PTK6: variants seen among roughly 807,000 people sequenced by gnomAD.
PTK6 encodes the protein protein tyrosine kinase 6, also known as protein-tyrosine kinase 6.
Under a neutral mutation model 47.5 loss-of-function variants are expected in PTK6, and 47 were observed. The observed-to-expected ratio is 0.99, with a 90% CI of 0.78 to 1.26. PTK6 has a LOEUF of 1.26. PTK6 is among the 50% of genes most tolerant of loss of function. The probability of loss-of-function intolerance (pLI) is 0.00; values close to 1 mark genes in which losing one functional copy is unlikely to be tolerated. For missense variants in PTK6, 618 were observed against 625.3 expected (o/e 0.99, Z 0.12); for synonymous variants, 287 against 276.5 (o/e 1.04, Z -0.38).
At position 63,529,415 on chromosome 20, in the gene PTK6, C is replaced by A; in HGVS notation, c.*121G>T. Reference sequence around the variant, plus strand: ...GACGCAGACACTCCACATTTGTGAACCTTTCCTGCACCCATCACCTCAGTA... The same window carrying A: ...GACGCAGACACTCCACATTTGTGAAACTTTCCTGCACCCATCACCTCAGTA... On this transcript the variant is annotated 3_prime_UTR_variant, in exon 8 of 8. Coordinates refer to ENST00000542869, the MANE Select transcript of PTK6 (RefSeq NM_005975.4). The surrounding 1 kb of genome is among the most constrained non-coding windows in gnomAD (Gnocchi z 5.6). 3.6e-6 allele frequency: 4 copies of A among 1,123,884 alleles called. No individual in the cohort carries two copies. The highest frequency in any genetic ancestry group is 4.9e-6 in the Non-Finnish European group (4 of 824,136). 69.6% of individuals were successfully genotyped at this position (1,123,884 alleles called of 1,614,324 possible). A position where few individuals can be genotyped will look rare whatever the true frequency, so the allele number is the denominator to read the frequency against.
At chr20:63,532,477 T>C in intron 5 of PTK6, 49 bp downstream of exon 5, 2 of 1,562,698 alleles carry the variant, frequency 1.3e-6, no homozygotes, top group Non-Finnish European at 1.7e-6. Context: ...CTTTATTTCC[T>C]CACGTGCCCC....
chr20:63,534,459 C>G (rs2082648992), intron 2 of PTK6, 144 bp from the exon 3 acceptor site: 1 of 1,115,994 alleles, frequency 9.0e-7, no homozygotes, highest in Non-Finnish European at 1.2e-6. Flanking sequence ...TGCCTCCCCT[C>G]CCTCAGAACG....
intron 5 of PTK6, among the ~76,000 whole-genome samples, 165 bp downstream of exon 5, chr20:63,532,361 G>A (rs921506687): frequency 7.0e-5 from 10 of 143,656 alleles, no homozygotes; most frequent in South Asian, 2.2e-4. Flanking sequence ...GTGTCTGTGC[G>A]TGTGTGTCTC....
At position 63,530,248 on chromosome 20, in the gene PTK6, G is replaced by A; in HGVS notation, c.1015-17C>T. ...GACGTCCTCCTGCAATCAGCCTGGA[G>A]CTGAGTGGGCCGTGGGGGCTGCCTG... On this transcript the variant is annotated splice_polypyrimidine_tract_variant and intron_variant, in intron 6 of 7. Transcript: ENST00000542869. This position sits in a 1 kb window ranked among gnomAD's most constrained non-coding sequence, Gnocchi z 4.1. 2 of 1,612,234 alleles carry A rather than the reference G, an allele frequency of 1.2e-6. No individual in the cohort carries two copies. Among genetic ancestry groups the A allele is most frequent in the Non-Finnish European group, 8.5e-7 (1 of 1,178,698 alleles).
chr20:63,534,096 C>G (rs2082645601), intron 3 of PTK6, 56 bp downstream of exon 3: 1 of 1,480,206 alleles, frequency 6.8e-7, no homozygotes, highest in East Asian at 2.5e-5. Flanking sequence ...TAGGAAATGC[C>G]AGCCTGTGAC....
In PTK6 at chr20:63,529,697, T is replaced by G. The variant is rs1375631443; in HGVS notation, c.1195A>C (p.Arg399=). Residue 399 remains arginine, a synonymous_variant, in exon 8 of 8, where the codon AGG becomes CGG. Coordinates refer to ENST00000542869, the MANE Select transcript of PTK6 (RefSeq NM_005975.4). This position sits in a 1 kb window ranked among gnomAD's most constrained non-coding sequence, Gnocchi z 5.6. ...PGMSNHEAFL[R]VDAGYRMPCP... ...GGCATGCGGTAGCCGGCGTCCACCC[T>G]CAGGAAGGCCTCATGGTTGGACATG... 1 of 1,546,064 alleles carries G rather than the reference T, an allele frequency of 6.5e-7. No homozygotes were observed. The highest frequency in any genetic ancestry group is 8.7e-7 in the Non-Finnish European group (1 of 1,145,642).
chr20:63,537,328 A>C lies in PTK6; in HGVS notation c.-14T>G. ...CCGGGACACCATGGCGGGCGGGCGC[A>C]GCGGCAGGACCAGGCTGTGGCCCAG... On this transcript the variant is annotated 5_prime_UTR_variant, in exon 1 of 8. Transcript: ENST00000542869. 1 of 1,577,474 alleles carries C rather than the reference A, an allele frequency of 6.3e-7. No homozygotes were observed. The highest frequency in any genetic ancestry group is 1.8e-4 in the Middle Eastern group (1 of 5,506).
chr20:63,530,018 C>G lies in PTK6; in HGVS notation c.1168+60G>C, dbSNP rs767736544. 3 of 1,587,670 alleles carry G rather than the reference C, an allele frequency of 1.9e-6. No individual in the cohort carries two copies. The African/African-American group carries it at 4.1e-5, about 21-fold the overall frequency. On this transcript the variant is annotated intron_variant, in intron 7 of 7. Coordinates refer to ENST00000542869, the MANE Select transcript of PTK6 (RefSeq NM_005975.4). The surrounding 1 kb of genome is among the most constrained non-coding windows in gnomAD (Gnocchi z 4.1). Reference sequence around the variant, plus strand: ...AGGCACCCCCCAGCGTCCCTGCCGGCTACCCAGGACCTCCCCCACTCTGCC... The same window carrying G: ...AGGCACCCCCCAGCGTCCCTGCCGGGTACCCAGGACCTCCCCCACTCTGCC...
rs1263315228 is a variant in PTK6 at position 63,534,139 on chromosome 20, G to A, written c.516+13C>T. On this transcript the variant is annotated intron_variant, in intron 3 of 7. Transcript: ENST00000542869. ...CCTGACCCCGCGTGACCAAGTCAGGGCGGAGCGGCTACCTTCCGGCAGGGC... is the reference window on the plus strand; with the variant it reads ...CCTGACCCCGCGTGACCAAGTCAGGACGGAGCGGCTACCTTCCGGCAGGGC... 8 of 1,540,892 alleles carry A rather than the reference G, an allele frequency of 5.2e-6. No individual in the cohort carries two copies. Among genetic ancestry groups the A allele is most frequent in the African/African-American group, 1.4e-5 (1 of 72,988 alleles).
In PTK6 at chr20:63,532,618, A is replaced by G. The variant is rs1569011654; in HGVS notation, c.740T>C (p.Ile247Thr). Residue 247 changes from isoleucine to threonine, a missense_variant, in exon 5 of 8, where the codon ATC becomes ACC. Physicochemically the swap from Ile to Thr is moderately conservative, Grantham distance 89. Coordinates refer to ENST00000542869, the MANE Select transcript of PTK6 (RefSeq NM_005975.4). The stretch of plus-strand genomic sequence containing the variant: ...GGACACCACGGCGTACAGCGCCAGG[A>G]TGTGTTTGTGCCGCAGCTTCTTCAT... ...QAMKKLRHKHILALYAVVSVG... is the reference protein window; with the variant it reads ...QAMKKLRHKHTLALYAVVSVG... 1 of 1,614,048 alleles carries G rather than the reference A, an allele frequency of 6.2e-7. No homozygotes were observed.
In PTK6 at chr20:63,533,412, C is replaced by T; in HGVS notation, c.670+139G>A. 1.0e-6 allele frequency: 1 copy of T among 988,742 alleles called. No individual in the cohort carries two copies. The highest frequency in any genetic ancestry group is 1.4e-6 in the Non-Finnish European group (1 of 715,680). The allele number at this position is 988,742 out of a possible 1,614,324, so 61.2% of individuals were successfully genotyped here. On this transcript the variant is annotated intron_variant, in intron 4 of 7. Coordinates refer to ENST00000542869, the MANE Select transcript of PTK6 (RefSeq NM_005975.4). The surrounding 1 kb of genome is among the most constrained non-coding windows in gnomAD (Gnocchi z 4.0). ...ATGTATTTAGGTAAAAACATAGGTGCAATTGAAAGGGAACCACTCTCGCAT... is the reference window on the plus strand; with the variant it reads ...ATGTATTTAGGTAAAAACATAGGTGTAATTGAAAGGGAACCACTCTCGCAT...
At position 63,532,582 on chromosome 20, in the gene PTK6, G is replaced by A; in HGVS notation, c.776C>T (p.Pro259Leu). The A allele has an allele frequency of 6.2e-7, 1 of 1,614,026 alleles. No homozygotes were observed. The highest frequency in any genetic ancestry group is 8.5e-7 in the Non-Finnish European group (1 of 1,179,980). ...CATGAGCTCCGTGATGATGTACACG[G>A]GGTCCCCCACGGACACCACGGCGTA... is the stretch of plus-strand genomic sequence containing the variant. ...ALYAVVSVGD[P>L]VYIITELMAK... Residue 259 changes from proline (P) to leucine (L), a missense_variant, in exon 5 of 8, where the codon CCC becomes CTC. Physicochemically the swap from Pro to Leu is moderately conservative, Grantham distance 98 (BLOSUM62 -3). Coordinates refer to ENST00000542869, the MANE Select transcript of PTK6 (RefSeq NM_005975.4).
At position 63,532,583 on chromosome 20, in the gene PTK6, G is replaced by A. The variant is rs370810132; in HGVS notation, c.775C>T (p.Pro259Ser). 1.2e-6 allele frequency: 2 copies of A among 1,613,924 alleles called. No homozygotes were observed. Among genetic ancestry groups the A allele is most frequent in the Non-Finnish European group, 8.5e-7 (1 of 1,179,994 alleles). Residue 259 changes from proline (P) to serine (S), a missense_variant, in exon 5 of 8, where the codon CCC becomes TCC. Pro to Ser is a moderately conservative substitution (Grantham distance 74). Transcript: ENST00000542869. The part of the protein sequence containing the change: ...ALYAVVSVGD[P>S]VYIITELMAK... ...ATGAGCTCCGTGATGATGTACACGG[G>A]GTCCCCCACGGACACCACGGCGTAC...
chr20:63,531,437 A>AAAAATAT (rs1311835682), intron 5 of PTK6, among the ~76,000 whole-genome samples: 5 of 94,920 alleles, frequency 5.3e-5, no homozygotes, highest in East Asian at 4.7e-4. Context: ...AAAAAAAAAA[A>AAAAATAT]ATATATATAT....
At chr20:63,532,816 G>GTCGGGGGCAGGAGGT in intron 4 of PTK6, 129 bp from the exon 5 acceptor site, 1 of 1,266,498 alleles carries the variant, frequency 7.9e-7, no homozygotes, top group Non-Finnish European at 1.1e-6. Context: ...CAGACCTCCT[G>GTCGGGGGCAGGAGGT]CCCCCGACAG....
chr20:63,532,604 C>G lies in PTK6; in HGVS notation c.754G>C (p.Ala252Pro). ...LRHKHILALY[A>P]VVSVGDPVYI... is the part of the protein sequence containing the mutation. ...ACGGGGTCCCCCACGGACACCACGG[C>G]GTACAGCGCCAGGATGTGTTTGTGC... The change falls in exon 5 of 8, where the codon GCC (alanine) becomes CCC (proline). Residue 252 changes from alanine to proline, a missense_variant. Coordinates refer to ENST00000542869, the MANE Select transcript of PTK6 (RefSeq NM_005975.4). 3.1e-6 allele frequency: 5 copies of G among 1,614,102 alleles called. No individual in the cohort carries two copies. Among genetic ancestry groups the G allele is most frequent in the Non-Finnish European group, 4.2e-6 (5 of 1,180,012 alleles).
At chr20:63,532,101 G>A (rs1325985584) in intron 5 of PTK6, among the ~76,000 whole-genome samples, 1 of 152,170 alleles carries the variant, frequency 6.6e-6, no homozygotes, top group African/African-American at 2.4e-5. Flanking sequence ...TAGAGAGGAT[G>A]AAGTCTTTGA....
In PTK6 at chr20:63,528,373, C is replaced by G. The variant is rs1367030348; in HGVS notation, c.*1163G>C. The stretch of plus-strand genomic sequence containing the variant: ...CTTTTGAGAAATCCTAGTACCTTTC[C>G]AGAAACTCCCAAAATTATTTTTCTT... On this transcript the variant is annotated 3_prime_UTR_variant, in exon 8 of 8. Coordinates refer to ENST00000542869, the MANE Select transcript of PTK6 (RefSeq NM_005975.4). 6.6e-6 allele frequency: 1 copy of G among 151,734 alleles called. No individual in the cohort carries two copies. The highest frequency in any genetic ancestry group is 1.5e-5 in the Non-Finnish European group (1 of 67,984). The allele number at this position is 151,734 out of a possible 1,614,324, so 9.4% of individuals were successfully genotyped here.
chr20:63,530,736 A>G lies in PTK6; in HGVS notation c.1014+10T>C, dbSNP rs2082611715. The G allele has an allele frequency of 6.2e-7, 1 of 1,612,706 alleles. No individual in the cohort carries two copies. The highest frequency in any genetic ancestry group is 8.5e-7 in the Non-Finnish European group (1 of 1,179,500). ...GCCACGACCCCAGCCACGCCCTCTGAGGGCCCTACCTTGATAAGCCTGGCT... is the reference window on the plus strand; with the variant it reads ...GCCACGACCCCAGCCACGCCCTCTGGGGGCCCTACCTTGATAAGCCTGGCT... On this transcript the variant is annotated intron_variant, in intron 6 of 7. Coordinates refer to ENST00000542869, the MANE Select transcript of PTK6 (RefSeq NM_005975.4). This position sits in a 1 kb window ranked among gnomAD's most constrained non-coding sequence, Gnocchi z 4.1.
Sources: gnomAD v4.1 joint callset for allele counts (sites outside exome capture counted in the v4.1 genomes callset) on GRCh38, gnomAD v4.1.1 for gene constraint, Gnocchi (gnomAD v3.1) non-coding constraint, MANE v1.5 for transcripts, NCBI Gene and HGNC (gene_info 2026-07-23, HGNC 2026-07-21) for gene names.